Variants in WNT5B observed in about 807,000 individuals in gnomAD.
WNT5B encodes the protein protein Wnt-5b.
Under a neutral mutation model 36.5 loss-of-function variants are expected in WNT5B, and 18 were observed. That is an observed-to-expected ratio of 0.49 (90% confidence interval 0.34 to 0.73). WNT5B has a LOEUF of 0.73. Ranked by LOEUF, WNT5B falls within the 30% of genes least tolerant of loss-of-function variation. The pLI, the probability that WNT5B is intolerant of heterozygous loss-of-function variation, is 0.01. For synonymous variants in WNT5B, 213 were observed against 212.3 expected (o/e 1.00, Z -0.03); for missense variants, 424 against 508.4 (o/e 0.83, Z 1.60).
Position 1,630,149 on chromosome 12 carries a change from C to A in WNT5B, c.-58+778C>A. 7 of 985,580 alleles carry A rather than the reference C, an allele frequency of 7.1e-6. No homozygotes were observed. Among genetic ancestry groups the A allele is most frequent in the Non-Finnish European group, 8.4e-6 (7 of 830,082 alleles). 61.1% of individuals were successfully genotyped at this position (985,580 alleles called of 1,614,324 possible). ...GCTGATGACCCGAAGCACCCGCCGC[C>A]CCCTCCCGGGGAGCCTGGGGACGCC... On this transcript the variant is annotated intron_variant, in intron 1 of 4. Coordinates refer to ENST00000397196, the MANE Select transcript of WNT5B (RefSeq NM_032642.3). The surrounding 1 kb of genome is among the most constrained non-coding windows in gnomAD (Gnocchi z 5.3).
rs1419676811 is a variant in WNT5B at position 1,646,641 on chromosome 12, G to A, written c.*389G>A. ...GACTGCCTGTGATCCTGGCCACTAG[G>A]CCAAGAGGCCCTATGAAGGTGGCGG... On this transcript the variant is annotated 3_prime_UTR_variant, in exon 5 of 5. Transcript: ENST00000397196. The A allele has an allele frequency of 6.4e-6, 1 of 155,488 alleles. No individual in the cohort carries two copies. The highest frequency in any genetic ancestry group is 1.4e-5 in the Non-Finnish European group (1 of 70,184). 9.6% of individuals were successfully genotyped at this position (155,488 alleles called of 1,614,324 possible). A position where few individuals can be genotyped will look rare whatever the true frequency, so the allele number is the denominator to read the frequency against.
upstream of WNT5B, among the ~76,000 whole-genome samples, chr12:1,625,331 C>T (rs1343673184): frequency 3.1e-4 from 47 of 152,238 alleles, no homozygotes; most frequent in Non-Finnish European, 8.8e-5. Flanking sequence ...TGAGTACTCA[C>T]CTGGAAATTG....
Position 1,632,988 on chromosome 12 carries a change from C to T in WNT5B, c.328+83C>T. ...CAATTAAGCTCTCTCAGGACTGGCA[C>T]AGGGAGAGCCCAAAGGCAGCCTAAG... On this transcript the variant is annotated intron_variant, in intron 3 of 4. Transcript: ENST00000397196. The surrounding 1 kb of genome is among the most constrained non-coding windows in gnomAD (Gnocchi z 5.8). 1 of 1,522,338 alleles carries T rather than the reference C, an allele frequency of 6.6e-7. No homozygotes were observed. The highest frequency in any genetic ancestry group is 1.4e-5 in the African/African-American group (1 of 72,928). The allele number at this position is 1,522,338 out of a possible 1,614,324, so 94.3% of individuals were successfully genotyped here.
chr12:1,639,808 CCTGCCCCGGGA>C lies in WNT5B; in HGVS notation c.457_467del (p.Pro153AlafsTer55). Reference sequence around the variant, plus strand: ...GCAGCCGGACGGCGCGGCCCAAGGACCTGCCCCGGGACTGGCTGTGGGGCGGCTGTGGGGAC... The same window carrying C: ...GCAGCCGGACGGCGCGGCCCAAGGACCTGGCTGTGGGGCGGCTGTGGGGAC... On this transcript the variant is annotated frameshift_variant, in exon 4 of 5. Transcript: ENST00000397196. LOFTEE classifies it high-confidence loss of function. The C allele has an allele frequency of 6.2e-7, 1 of 1,613,440 alleles. No homozygotes were observed. Among genetic ancestry groups the C allele is most frequent in the Non-Finnish European group, 8.5e-7 (1 of 1,179,698 alleles).
chr12:1,621,979 C>A (rs1310345985), intron 1 of WNT5B, among the ~76,000 whole-genome samples: 1 of 152,208 alleles, frequency 6.6e-6, no homozygotes, highest in Admixed American at 6.5e-5. Flanking sequence ...TTCTCTTTGA[C>A]CAAACCACAT....
At position 1,639,753 on chromosome 12, in the gene WNT5B, GCCGC is replaced by G. The variant is rs2094570719; in HGVS notation, c.399_402del (p.Cys133TrpfsTer64). On this transcript the variant is annotated frameshift_variant, in exon 4 of 5. Transcript: ENST00000397196. LOFTEE classifies it high-confidence loss of function. ...GTGGTCAACGCCATCAGCCGGGCCTGCCGCGAGGGCGAGCTCTCCACCTGCGGCT... is the reference window on the plus strand; with the variant it reads ...GTGGTCAACGCCATCAGCCGGGCCTGGAGGGCGAGCTCTCCACCTGCGGCT... 6.2e-7 allele frequency: 1 copy of G among 1,605,158 alleles called. No homozygotes were observed. Among genetic ancestry groups the G allele is most frequent in the African/African-American group, 1.3e-5 (1 of 74,582 alleles).
chr12:1,633,666 T>G lies in WNT5B; in HGVS notation c.328+761T>G, dbSNP rs1234317358. Among the ~76,000 whole-genome samples, 3 of 152,182 alleles carry G rather than the reference T, an allele frequency of 2.0e-5. No homozygotes were observed. The highest frequency in any genetic ancestry group is 2.9e-5 in the Non-Finnish European group (2 of 68,036). ...AGAAATCCGGCCCTATTCTACTGGGTCTTATCCCCAGGGCCATAAAAGGGA... is the reference window on the plus strand; with the variant it reads ...AGAAATCCGGCCCTATTCTACTGGGGCTTATCCCCAGGGCCATAAAAGGGA... On this transcript the variant is annotated intron_variant, in intron 3 of 4. Coordinates refer to ENST00000397196, the MANE Select transcript of WNT5B (RefSeq NM_032642.3). The surrounding 1 kb of genome is among the most constrained non-coding windows in gnomAD (Gnocchi z 4.8).
In WNT5B at chr12:1,622,160, G is replaced by C. The variant is rs549093041; in HGVS notation, c.-58+5017G>C. On this transcript the variant is annotated intron_variant, in intron 1 of 4. Coordinates refer to the WNT5B transcript ENST00000310594. ...GAGTCTCGCTCTGTCGCCCAGGCTGGAGTGCAGTGGCGTGATCTCGGCTCA... is the reference window on the plus strand; with the variant it reads ...GAGTCTCGCTCTGTCGCCCAGGCTGCAGTGCAGTGGCGTGATCTCGGCTCA... Among the ~76,000 whole-genome samples the C allele has an allele frequency of 2.7e-5, 4 of 147,318 alleles. No homozygotes were observed. The East Asian group carries it at 8.0e-4, about 30-fold the overall frequency.
chr12:1,626,285 CAG>C (rs1174462122), upstream of WNT5B, among the ~76,000 whole-genome samples: 3 of 149,258 alleles, frequency 2.0e-5, no homozygotes, highest in Admixed American at 6.7e-5. Context: ...TTTTTTGAGA[CAG>C]AGTTTCACTC....
intron 1 of WNT5B, among the ~76,000 whole-genome samples, chr12:1,620,025 A>G (rs1465318509): frequency 1.3e-5 from 2 of 152,250 alleles, no homozygotes; most frequent in African/African-American, 2.4e-5. Context: ...GCCATTAGGT[A>G]TTAATATGAC....
At chr12:1,627,120 G>A (rs1274667532), upstream of WNT5B, among the ~76,000 whole-genome samples, 2 of 152,216 alleles carry the variant, frequency 1.3e-5, no homozygotes, top group Non-Finnish European at 2.9e-5. This position sits in a 1 kb window ranked among gnomAD's most constrained non-coding sequence, Gnocchi z 5.0. Context: ...AAACATGCAA[G>A]AAGCTAGAAG....
At chr12:1,628,908 T>C (rs2094544816), upstream of WNT5B, among the ~76,000 whole-genome samples, 1 of 151,434 alleles carries the variant, frequency 6.6e-6, no homozygotes, top group African/African-American at 2.4e-5. Flanking sequence ...CTGAGGGGGC[T>C]GGTGTGTGTG....
chr12:1,623,739 T>C (rs1181331723), intron 1 of WNT5B, among the ~76,000 whole-genome samples: 7 of 152,186 alleles, frequency 4.6e-5, no homozygotes, highest in Non-Finnish European at 1.0e-4. Context: ...GCATCTTCCA[T>C]GAGCCCCTCA....
chr12:1,645,871 G>A lies in WNT5B; in HGVS notation c.699G>A (p.Leu233=), dbSNP rs201606170. The change falls in exon 5 of 5, where the codon CTG becomes CTA. Residue 233 remains leucine (L), a synonymous_variant. Transcript: ENST00000397196. ...SGSCSLKTCW[L]QLAEFRKVGD... The stretch of plus-strand genomic sequence containing the variant: ...CCTGCAGCCTCAAGACCTGCTGGCT[G>A]CAGCTGGCCGAGTTCCGCAAGGTCG... The A allele has an allele frequency of 1.2e-5, 19 of 1,611,134 alleles. No homozygotes were observed. Among genetic ancestry groups the A allele is most frequent in the Non-Finnish European group, 1.6e-5 (19 of 1,179,334 alleles).
intron 1 of WNT5B, among the ~76,000 whole-genome samples, chr12:1,623,199 T>TTTTTG (rs1346642172): frequency 1.8e-5 from 2 of 113,642 alleles, no homozygotes; most frequent in Non-Finnish European, 3.6e-5. Context: ...TTTTTTTTTT[T>TTTTTG]TTTTTTTTTT....
upstream of WNT5B, among the ~76,000 whole-genome samples, chr12:1,626,812 G>A (rs778850916): frequency 5.3e-5 from 8 of 151,952 alleles, no homozygotes; most frequent in South Asian, 2.1e-4. Flanking sequence ...TGATCTGCCC[G>A]CCTCGGCCTC....
chr12:1,627,892 T>G (rs2094543398), upstream of WNT5B, among the ~76,000 whole-genome samples: 2 of 152,248 alleles, frequency 1.3e-5, no homozygotes, highest in Non-Finnish European at 2.9e-5. This position sits in a 1 kb window ranked among gnomAD's most constrained non-coding sequence, Gnocchi z 5.0. Flanking sequence ...TAGTATTCAC[T>G]GGACCTAACT....
At chr12:1,641,107 G>GCTCC (rs1266704870) in intron 4 of WNT5B, among the ~76,000 whole-genome samples, 2 of 152,194 alleles carry the variant, frequency 1.3e-5, no homozygotes, top group Non-Finnish European at 2.9e-5. Flanking sequence ...AATGGTGGCC[G>GCTCC]GGAGCAGTGG....
chr12:1,635,928 G>A (rs900921074), intron 3 of WNT5B, among the ~76,000 whole-genome samples: 5 of 152,182 alleles, frequency 3.3e-5, no homozygotes, highest in African/African-American at 1.2e-4. Context: ...ACTCAGCATG[G>A]TCTGTTTGTA....
Sources: allele counts gnomAD v4.1 joint callset (sites outside exome capture counted in the v4.1 genomes callset), GRCh38; gene constraint gnomAD v4.1.1; non-coding constraint Gnocchi (gnomAD v3.1); transcripts MANE v1.5; gene names NCBI Gene and HGNC (gene_info 2026-07-23, HGNC 2026-07-21).